The following PTPRD variants were observed in gnomAD, a reference collection of about 807,000 sequenced individuals.
PTPRD encodes the protein protein tyrosine phosphatase receptor type D, also known as receptor-type tyrosine-protein phosphatase delta.
PTPRD carries 34 observed loss-of-function variants against 214.5 expected under a neutral mutation model. That is an observed-to-expected ratio of 0.16 (90% CI 0.12 to 0.21). The LOEUF (loss-of-function observed/expected upper bound fraction) is 0.21, where lower values mean the gene tolerates loss of function less well. Among genes scored for constraint, PTPRD ranks in the 10% least tolerant of loss-of-function variants. PTPRD has a pLI of 1.00. For missense variants in PTPRD, 2,545 were observed against 2,398.7 expected, an observed-to-expected ratio of 1.06 and a Z score of -1.27; for synonymous variants, 1,128 against 845.7, an observed-to-expected ratio of 1.33 and a Z score of -5.79.
intron 8 of PTPRD, among the ~76,000 whole-genome samples, chr9:9,418,593 C>A (rs942424004): frequency 6.6e-6 from 1 of 151,986 alleles, no homozygotes; most frequent in Non-Finnish European, 1.5e-5. Flanking sequence ...AATGGCCATG[C>A]TATTACCTGC....
chr9:8,730,332 G>A (rs1598211491), intron 12 of PTPRD, among the ~76,000 whole-genome samples: 1 of 152,084 alleles, frequency 6.6e-6, no homozygotes, highest in South Asian at 2.1e-4. Flanking sequence ...TAAGGAAGGA[G>A]AATGAAGAAG....
intron 35 of PTPRD, among the ~76,000 whole-genome samples, chr9:8,417,104 A>G (rs1419136122): frequency 6.6e-6 from 1 of 152,212 alleles, no homozygotes; most frequent in African/African-American, 2.4e-5. Context: ...TTTTGGCTTA[A>G]TGATGCATTC....
At chr9:10,370,330 T>C (rs1184245502) in intron 2 of PTPRD, among the ~76,000 whole-genome samples, 1 of 152,092 alleles carries the variant, frequency 6.6e-6, no homozygotes, top group Non-Finnish European at 1.5e-5. Context: ...TTTACTAAAA[T>C]TTTCAGGTGA....
intron 12 of PTPRD, among the ~76,000 whole-genome samples, chr9:8,693,686 G>C (rs1447910460): frequency 3.3e-5 from 5 of 152,282 alleles, no homozygotes; most frequent in African/African-American, 9.6e-5. Flanking sequence ...CAAGGTAAGT[G>C]AGCTGTTTCT....
chr9:9,198,949 G>C (rs939662837), intron 9 of PTPRD, among the ~76,000 whole-genome samples: 1 of 152,122 alleles, frequency 6.6e-6, no homozygotes, highest in Non-Finnish European at 1.5e-5. Flanking sequence ...AGCAACTTGG[G>C]TGACTTTTCA....
intron 11 of PTPRD, among the ~76,000 whole-genome samples, chr9:8,939,858 CTCTT>C (rs1241475490): frequency 1.1e-4 from 17 of 151,946 alleles, no homozygotes; most frequent in Non-Finnish European, 1.5e-5. Context: ...TTTTCTTAAA[CTCTT>C]TATTTATTCT....
chr9:8,872,592 G>A (rs776780363), intron 11 of PTPRD, among the ~76,000 whole-genome samples: 2 of 152,194 alleles, frequency 1.3e-5, no homozygotes, highest in African/African-American at 4.8e-5. Flanking sequence ...TGCACAAAGC[G>A]TGATAGAACT....
At chr9:9,448,865 G>A (rs2091304157) in intron 8 of PTPRD, among the ~76,000 whole-genome samples, 1 of 151,978 alleles carries the variant, frequency 6.6e-6, no homozygotes, top group East Asian at 1.9e-4. Flanking sequence ...AATGGATGAG[G>A]TTGCTAATCA....
chr9:10,521,230 C>T (rs140152220), intron 2 of PTPRD, among the ~76,000 whole-genome samples: 1,733 of 152,162 alleles, frequency 0.011, 16 homozygotes, highest in South Asian at 0.042. Flanking sequence ...TCACAGATGA[C>T]TTTCAGGGTT....
At chr9:10,140,501 G>T (rs556029986) in intron 3 of PTPRD, among the ~76,000 whole-genome samples, 2 of 152,164 alleles carry the variant, frequency 1.3e-5, no homozygotes, top group Admixed American at 1.3e-4. Context: ...AAATCTAGAA[G>T]AAATGGATAA....
chr9:9,963,248 C>T (rs996459673), intron 4 of PTPRD, among the ~76,000 whole-genome samples: 3 of 152,070 alleles, frequency 2.0e-5, no homozygotes, highest in African/African-American at 4.8e-5. Context: ...ACTTACTTGA[C>T]TCCATTAAAC....
chr9:9,288,475 C>A (rs369579222), intron 9 of PTPRD, among the ~76,000 whole-genome samples: 3 of 151,900 alleles, frequency 2.0e-5, no homozygotes, highest in Admixed American at 6.6e-5. Context: ...TAGTCATTAA[C>A]CAGCACTTGG....
At chr9:8,829,173 A>T (rs941470913) in intron 11 of PTPRD, among the ~76,000 whole-genome samples, 1 of 152,132 alleles carries the variant, frequency 6.6e-6, no homozygotes, top group African/African-American at 2.4e-5. Context: ...GCTGGATGAC[A>T]TTTAACAAAT....
chr9:8,350,523 ACT>A (rs1340806065), intron 39 of PTPRD, among the ~76,000 whole-genome samples: 4 of 152,134 alleles, frequency 2.6e-5, no homozygotes, highest in Admixed American at 1.3e-4. Context: ...TAATTAGGTG[ACT>A]CTTTTAATAA....
chr9:10,593,528 C>T (rs1332803115), intron 2 of PTPRD, among the ~76,000 whole-genome samples: 7 of 151,950 alleles, frequency 4.6e-5, no homozygotes, highest in Non-Finnish European at 8.8e-5. Flanking sequence ...CAATATACAA[C>T]ATATAGAAGA....
chr9:8,667,656 G>GAAATATAAATGAAAGGTAAATATA (rs2097196599), intron 12 of PTPRD, among the ~76,000 whole-genome samples: 1 of 151,880 alleles, frequency 6.6e-6, no homozygotes, highest in African/African-American at 2.4e-5. Flanking sequence ...TCACATACAT[G>GAAATATAAATGAAAGGTAAATATA]AAATATAAAT....
chr9:10,528,519 A>G (rs1181925423), intron 2 of PTPRD, among the ~76,000 whole-genome samples: 2 of 152,202 alleles, frequency 1.3e-5, no homozygotes, highest in Non-Finnish European at 2.9e-5. Context: ...ATTTAGGAAT[A>G]TATATTCTAT....
At position 10,340,078 on chromosome 9, in the gene PTPRD, C is replaced by CA. The variant is rs574654358; in HGVS notation, c.-545+884dup. Among the ~76,000 whole-genome samples the CA allele has an allele frequency of 7.7e-4, 116 of 151,626 alleles. 2 individuals carry two copies. The South Asian group carries it at 0.021, about 28-fold the overall frequency. ...TAACTCCACATAAATACATCTCATC[C>CA]AAAAAAATGCTAATTACTTGTTCAA... On this transcript the variant is annotated intron_variant, in intron 3 of 45. Coordinates refer to ENST00000381196, the MANE Select transcript of PTPRD (RefSeq NM_002839.4).
At chr9:10,605,582 A>C (rs937771513) in intron 2 of PTPRD, among the ~76,000 whole-genome samples, 3 of 151,804 alleles carry the variant, frequency 2.0e-5, no homozygotes, top group African/African-American at 7.2e-5. Flanking sequence ...GCTTCCACCT[A>C]GGTTCTAAAA....
Sources: gnomAD v4.1 joint callset for allele counts (sites outside exome capture counted in the v4.1 genomes callset) on GRCh38, gnomAD v4.1.1 for gene constraint, MANE v1.5 for transcripts, NCBI Gene and HGNC (gene_info 2026-07-23, HGNC 2026-07-21) for gene names.